Variants in UGT2A1 observed in about 807,000 individuals in gnomAD.
UGT2A1 encodes UDP glucuronosyltransferase family 2 member A1 complex locus, also known as UDP-glucuronosyltransferase 2A1.
In UGT2A1, 61 loss-of-function variants were observed where a neutral mutation model predicts 45.4. That is an observed-to-expected ratio of 1.34 (90% CI 1.09 to 1.66). UGT2A1 has a LOEUF of 1.66. Ranked by LOEUF, UGT2A1 falls within the 40% of genes most tolerant of loss-of-function variation. The pLI, the probability that UGT2A1 is intolerant of heterozygous loss-of-function variation, is 0.00. For missense variants in UGT2A1, 649 were observed against 574.3 expected, an observed-to-expected ratio of 1.13 and a Z score of -1.33; for synonymous variants, 229 against 196.2, an observed-to-expected ratio of 1.17 and a Z score of -1.40.
Position 69,593,753 on chromosome 4 carries a change from G to A in UGT2A1, c.1304+724C>T, listed in dbSNP as rs551415616. On this transcript the variant is annotated intron_variant, in intron 6 of 6. Coordinates refer to ENST00000286604, the MANE Select transcript of UGT2A1 (RefSeq NM_001252275.3). ...TGTGTGTATACATATACTAATTAAA[G>A]GTATCGAATGGTATATACTCAGTGT... 9.7e-4 allele frequency among the ~76,000 whole-genome samples: 147 copies of A among 151,448 alleles called. No individual in the cohort carries two copies. In the Middle Eastern group the frequency reaches 0.011, roughly 11 times the overall value.
At chr4:69,592,297 T>C (rs1438461816) in intron 6 of UGT2A1, among the ~76,000 whole-genome samples, 2 of 151,958 alleles carry the variant, frequency 1.3e-5, no homozygotes, top group Non-Finnish European at 2.9e-5. Context: ...CAATACAACA[T>C]AAAGCAAGTT....
chr4:69,613,847 A>G (rs1720211285), intron 3 of UGT2A1, among the ~76,000 whole-genome samples: 1 of 151,974 alleles, frequency 6.6e-6, no homozygotes, highest in Admixed American at 6.6e-5. Context: ...AAAGCCATAA[A>G]CCGCAAACCT....
At chr4:69,594,825 C>A (rs1718822224) in intron 5 of UGT2A1, 129 bp from the exon 6 acceptor site, 2 of 1,160,772 alleles carry the variant, frequency 1.7e-6, no homozygotes, top group Non-Finnish European at 2.4e-6. Context: ...AAAAGCAGAT[C>A]ACATAGGGCA....
intron 1 of UGT2A1, among the ~76,000 whole-genome samples, chr4:69,648,788 A>G (rs1722393835): frequency 6.6e-6 from 1 of 152,054 alleles, no homozygotes; most frequent in Admixed American, 6.6e-5. Context: ...CCCAAACAGG[A>G]CAACTGCACT....
At chr4:69,599,589 AAAG>A (rs1034175226) in intron 3 of UGT2A1, 195 bp from the exon 4 acceptor site, 14 of 795,418 alleles carry the variant, frequency 1.8e-5, no homozygotes, top group Non-Finnish European at 2.3e-5. Flanking sequence ...GGAAGGAAGA[AAAG>A]AAGGAAGGAA....
In UGT2A1 at chr4:69,588,701, A is replaced by C. The variant is rs1361767461; in HGVS notation, c.*671T>G. On this transcript the variant is annotated 3_prime_UTR_variant, in exon 7 of 7. Coordinates refer to ENST00000286604, the MANE Select transcript of UGT2A1 (RefSeq NM_001252275.3). ...GATTGATTTATTAAAGACAGTACCCAAATCTTCCACTACAGGTTATATAAG... is the reference window on the plus strand; with the variant it reads ...GATTGATTTATTAAAGACAGTACCCCAATCTTCCACTACAGGTTATATAAG... 6.6e-6 allele frequency: 1 copy of C among 152,108 alleles called. No homozygotes were observed. The highest frequency in any genetic ancestry group is 1.5e-5 in the Non-Finnish European group (1 of 68,012). The allele number at this position is 152,108 out of a possible 1,614,324, so 9.4% of individuals were successfully genotyped here. A position where few individuals can be genotyped will look rare whatever the true frequency, so the allele number is the denominator to read the frequency against.
At chr4:69,593,926 G>A (rs972916758) in intron 6 of UGT2A1, among the ~76,000 whole-genome samples, 4 of 149,472 alleles carry the variant, frequency 2.7e-5, no homozygotes, top group Non-Finnish European at 5.9e-5. Flanking sequence ...TATAATCATA[G>A]CATTCTTTAT....
Position 69,647,525 on chromosome 4 carries a change from T to C in UGT2A1, c.120A>G (p.Ile40Met). The change falls in exon 2 of 7, where the codon ATA becomes ATG. Residue 40 changes from isoleucine (I) to methionine (M), a missense_variant. By Grantham distance (10) the Ile-to-Met change is conservative. Transcript: ENST00000286604. The part of the protein sequence containing the change: ...GSHWLNVKII[I>M]DELIKKEHNV... ...TATGCTCCTTTTTAATGAGCTCATC[T>C]ATAATTATCTTAACATTTAGCCAAT... 1.2e-6 allele frequency: 2 copies of C among 1,612,904 alleles called. No homozygotes were observed. Among genetic ancestry groups the C allele is most frequent in the Non-Finnish European group, 1.7e-6 (2 of 1,179,266 alleles).
intron 3 of UGT2A1, among the ~76,000 whole-genome samples, chr4:69,621,449 G>A (rs1459649416): frequency 6.6e-6 from 1 of 151,948 alleles, no homozygotes; most frequent in Non-Finnish European, 1.5e-5. Context: ...ACCACAGTGA[G>A]ATACCATTTT....
chr4:69,614,118 C>CTGAATGGTTTT (rs373359634), intron 3 of UGT2A1, among the ~76,000 whole-genome samples: 1 of 151,616 alleles, frequency 6.6e-6, no homozygotes, highest in Admixed American at 6.6e-5. Flanking sequence ...CTGATAAACC[C>CTGAATGGTTTT]ATTCAGTAGT....
intron 6 of UGT2A1, among the ~76,000 whole-genome samples, chr4:69,589,983 G>A (rs193220421): frequency 2.0e-5 from 3 of 152,218 alleles, no homozygotes; most frequent in Admixed American, 1.3e-4. Flanking sequence ...TACCAAGATG[G>A]TACATAACCT....
chr4:69,599,974 A>T (rs574728481), intron 3 of UGT2A1, among the ~76,000 whole-genome samples: 1 of 152,312 alleles, frequency 6.6e-6, no homozygotes, highest in African/African-American at 2.4e-5. Context: ...TGCCTCTCCC[A>T]CTTGAAAAGA....
At chr4:69,606,730 G>T (rs1255615977) in intron 3 of UGT2A1, among the ~76,000 whole-genome samples, 1 of 136,500 alleles carries the variant, frequency 7.3e-6, no homozygotes, top group Non-Finnish European at 1.6e-5. Flanking sequence ...AAAGTCTCAG[G>T]ATACAAAATC....
intron 2 of UGT2A1, among the ~76,000 whole-genome samples, chr4:69,637,438 AGTTAGTT>A (rs1367368960): frequency 1.3e-5 from 2 of 152,146 alleles, no homozygotes; most frequent in African/African-American, 4.8e-5. Flanking sequence ...AGTAAGATCA[AGTTAGTT>A]TATGAGTATT....
intron 3 of UGT2A1, among the ~76,000 whole-genome samples, chr4:69,602,463 T>TTATC (rs71206000): frequency 0.042 from 4,258 of 100,884 alleles, 661 homozygotes; most frequent in Non-Finnish European, 0.051. Flanking sequence ...ATTTAGGAGT[T>TTATC]TATCTATCTA....
intron 3 of UGT2A1, among the ~76,000 whole-genome samples, chr4:69,632,203 A>G (rs1721427032): frequency 1.3e-5 from 2 of 152,204 alleles, no homozygotes; most frequent in African/African-American, 4.8e-5. Context: ...TTTGATATAA[A>G]TATAACAGAA....
Position 69,594,507 on chromosome 4 carries a change from C to G in UGT2A1, c.1274G>C (p.Ser425Thr). 1 of 1,614,130 alleles carries G rather than the reference C, an allele frequency of 6.2e-7. No individual in the cohort carries two copies. The highest frequency in any genetic ancestry group is 1.7e-5 in the Admixed American group (1 of 60,004). Residue 425 changes from serine to threonine, a missense_variant, in exon 6 of 7, where the codon AGC becomes ACC. Coordinates refer to ENST00000286604, the MANE Select transcript of UGT2A1 (RefSeq NM_001252275.3). ...LNTMTSVDLL[S>T]ALRTVINEPS... ...TTCATTAATGACTGTTCTCAAAGCG[C>G]TAAGCAAATCCACACTTGTCATTGT... is the stretch of plus-strand genomic sequence containing the variant.
intron 6 of UGT2A1, 98 bp downstream of exon 6, chr4:69,594,379 T>C (rs1356500181): frequency 4.1e-6 from 6 of 1,458,730 alleles, no homozygotes; most frequent in Admixed American, 4.5e-5. Flanking sequence ...TGGTTGTTAT[T>C]GGAAAATAAT....
intron 3 of UGT2A1, among the ~76,000 whole-genome samples, chr4:69,625,344 T>C (rs576988471): frequency 6.6e-6 from 1 of 151,216 alleles, no homozygotes; most frequent in East Asian, 1.9e-4. Context: ...ATTTGAAAAA[T>C]TTGGGGCCAT....
Sources: gnomAD v4.1 joint callset for allele counts (sites outside exome capture counted in the v4.1 genomes callset) on GRCh38, gnomAD v4.1.1 for gene constraint, MANE v1.5 for transcripts, NCBI Gene and HGNC (gene_info 2026-07-23, HGNC 2026-07-21) for gene names.